CYP27C1: variants seen among roughly 807,000 people sequenced by gnomAD.
CYP27C1 encodes cytochrome P450 family 27 subfamily C member 1, also known as cytochrome P450 27C1.
CYP27C1 carries 29 observed loss-of-function variants against 40.6 expected under a neutral mutation model. The observed-to-expected ratio is 0.71, with a 90% confidence interval of 0.53 to 0.97. The LOEUF (loss-of-function observed/expected upper bound fraction) is 0.97, where lower values mean the gene tolerates loss of function less well. Ranked by LOEUF, CYP27C1 falls within the 50% of genes least tolerant of loss-of-function variation. CYP27C1 has a pLI of 0.00. For missense variants in CYP27C1, 390 were observed against 485.8 expected (o/e 0.80, Z 1.85); for synonymous variants, 198 against 186.8 (o/e 1.06, Z -0.49).
At chr2:127,205,102 G>A (rs1370239252) in intron 2 of CYP27C1, among the ~76,000 whole-genome samples, 2 of 152,230 alleles carry the variant, frequency 1.3e-5, no homozygotes, top group African/African-American at 4.8e-5. Context: ...AGGCTCCTGA[G>A]CCTGCAGCTA....
At chr2:127,202,263 T>C (rs1683052108) in intron 3 of CYP27C1, among the ~76,000 whole-genome samples, 1 of 152,138 alleles carries the variant, frequency 6.6e-6, no homozygotes, top group South Asian at 2.1e-4. Context: ...TCTCTGGGAT[T>C]ACAGGTGCCC....
rs1282950519 is a variant in CYP27C1, at chr2:127,184,507, G to T, written c.*2764C>A. ...CAGCTCACTGCAAACTGCCTCCCAG[G>T]TTCAAGCAATTCTCCTGCCTCAGCC... On this transcript the variant is annotated 3_prime_UTR_variant, in exon 9 of 9. Transcript: ENST00000664447. The T allele has an allele frequency of 1.3e-5, 2 of 151,998 alleles. No homozygotes were observed. The highest frequency in any genetic ancestry group is 1.9e-4 in the East Asian group (1 of 5,172). The allele number at this position is 151,998 out of a possible 1,614,324, so 9.4% of individuals were successfully genotyped here.
At chr2:127,189,115 T>C (rs1230468580) in intron 8 of CYP27C1, among the ~76,000 whole-genome samples, 1 of 151,924 alleles carries the variant, frequency 6.6e-6, no homozygotes, top group African/African-American at 2.4e-5. Context: ...TTCTGAGTGG[T>C]TTGTTTGTTG....
intron 3 of CYP27C1, among the ~76,000 whole-genome samples, chr2:127,202,124 C>A (rs1683048026): frequency 6.7e-6 from 1 of 149,038 alleles, no homozygotes. Flanking sequence ...GTTAGACCAA[C>A]ATGCTTTTTT....
At chr2:127,217,849 A>G (rs1683463392) in intron 1 of CYP27C1, among the ~76,000 whole-genome samples, 1 of 152,206 alleles carries the variant, frequency 6.6e-6, no homozygotes. Context: ...AGCAACCTGG[A>G]GAGCGGGAAG....
At chr2:127,211,812 G>C (rs1263319533) in intron 1 of CYP27C1, among the ~76,000 whole-genome samples, 4 of 152,020 alleles carry the variant, frequency 2.6e-5, no homozygotes, top group African/African-American at 9.7e-5. Flanking sequence ...TAATCCAAAA[G>C]CTAGCAGAAG....
At chr2:127,204,434 G>GAGAA (rs1683123570) in intron 2 of CYP27C1, among the ~76,000 whole-genome samples, 2 of 68,154 alleles carry the variant, frequency 2.9e-5, no homozygotes, top group Admixed American at 1.8e-4. Flanking sequence ...AGAAAGGAAA[G>GAGAA]AAAGAAAAAG....
rs1415416720 is a variant in CYP27C1, at chr2:127,185,352, T to C, written c.*1919A>G. 6.6e-6 allele frequency: 1 copy of C among 152,268 alleles called. No homozygotes were observed. Among genetic ancestry groups the C allele is most frequent in the Non-Finnish European group, 1.5e-5 (1 of 68,102 alleles). 9.4% of individuals were successfully genotyped at this position (152,268 alleles called of 1,614,324 possible). A position where few individuals can be genotyped will look rare whatever the true frequency, so the allele number is the denominator to read the frequency against. On this transcript the variant is annotated 3_prime_UTR_variant, in exon 9 of 9. Transcript: ENST00000664447. The surrounding 1 kb of genome is among the most constrained non-coding windows in gnomAD (Gnocchi z 4.9). ...CTACCCCCAGCCCGCACTTTGCTAT[T>C]CACCCTGTGCTGATCCCCAGGCAGA...
chr2:127,191,990 C>A (rs914553853), intron 8 of CYP27C1, among the ~76,000 whole-genome samples: 1 of 152,222 alleles, frequency 6.6e-6, no homozygotes, highest in Non-Finnish European at 1.5e-5. Context: ...CCCTTACCTT[C>A]TCCAGCTCTG....
At chr2:127,191,952 G>C (rs1056218788) in intron 8 of CYP27C1, among the ~76,000 whole-genome samples, 8 of 152,158 alleles carry the variant, frequency 5.3e-5, no homozygotes, top group African/African-American at 1.9e-4. Context: ...CCCACACCTC[G>C]TTCTGTGCCT....
At chr2:127,217,959 A>C (rs1293614696) in intron 1 of CYP27C1, among the ~76,000 whole-genome samples, 1 of 152,198 alleles carries the variant, frequency 6.6e-6, no homozygotes. Context: ...GGGTTGGGGT[A>C]GTGCCACCTG....
At chr2:127,205,866 C>A in intron 2 of CYP27C1, 34 bp downstream of exon 2, 1 of 574,256 alleles carries the variant, frequency 1.7e-6, no homozygotes, top group Non-Finnish European at 2.2e-6. Flanking sequence ...GCTCCCCCTC[C>A]AGCCCGTGGC....
chr2:127,195,022 G>C lies in CYP27C1; in HGVS notation c.1214+313C>G, dbSNP rs1682871748. Among the ~76,000 whole-genome samples, 1 of 152,020 alleles carries C rather than the reference G, an allele frequency of 6.6e-6. No homozygotes were observed. The highest frequency in any genetic ancestry group is 1.5e-5 in the Non-Finnish European group (1 of 67,982). On this transcript the variant is annotated intron_variant, in intron 6 of 8. Coordinates refer to ENST00000664447, the MANE Select transcript of CYP27C1 (RefSeq NM_001367502.1). The surrounding 1 kb of genome is among the most constrained non-coding windows in gnomAD (Gnocchi z 6.2). ...TTTTTGTATTTTTAGTAGAGACGCA[G>C]TTTCACCATGTTGGCCAGGCTGCTC...
intron 1 of CYP27C1, among the ~76,000 whole-genome samples, chr2:127,217,584 A>T (rs943064956): frequency 1.3e-5 from 2 of 152,202 alleles, no homozygotes; most frequent in African/African-American, 2.4e-5. Flanking sequence ...ATTGGAGGAC[A>T]TGACTCCTGT....
intron 1 of CYP27C1, among the ~76,000 whole-genome samples, chr2:127,215,105 G>A (rs1683406220): frequency 7.0e-6 from 1 of 143,038 alleles, no homozygotes; most frequent in Admixed American, 7.3e-5. Context: ...CTCATGCCTG[G>A]GCGACAGAGT....
Position 127,199,438 on chromosome 2 carries a change from C to T in CYP27C1, c.985G>A (p.Ala329Thr), listed in dbSNP as rs1362581738. Residue 329 changes from alanine (A) to threonine (T), a missense_variant, in exon 5 of 9, where the codon GCT (alanine) becomes ACT (threonine). Transcript: ENST00000664447. ...GCGTAGATCTCCTGCAGCGTCAGAG[C>T]CTGGCTAAGGAAGAGGTATGTGAGA... ...GLLTYLFLSQ[A>T]LTLQEIYANV... 1 of 1,614,100 alleles carries T rather than the reference C, an allele frequency of 6.2e-7. No homozygotes were observed. Among genetic ancestry groups the T allele is most frequent in the Non-Finnish European group, 8.5e-7 (1 of 1,180,040 alleles).
chr2:127,214,052 T>C (rs1683382442), intron 1 of CYP27C1, among the ~76,000 whole-genome samples: 1 of 151,728 alleles, frequency 6.6e-6, no homozygotes, highest in African/African-American at 2.4e-5. Flanking sequence ...ACAACAAACA[T>C]GAAAAAAAGC....
intron 2 of CYP27C1, among the ~76,000 whole-genome samples, chr2:127,204,537 G>GA (rs1465217266): frequency 1.2e-3 from 39 of 31,764 alleles, no homozygotes; most frequent in African/African-American, 3.7e-3. Flanking sequence ...AAGAAAGAAA[G>GA]AGAGAGAGAG....
rs572586400 is a variant in CYP27C1 at position 127,201,866 on chromosome 2, G to T, written c.674-535C>A. ...CTCCTGGCCAAAACGCAGAGCCCAG[G>T]CCTGGAGAGCTAAAGGCGCAGCAGA... On this transcript the variant is annotated intron_variant, in intron 3 of 8. Coordinates refer to ENST00000664447, the MANE Select transcript of CYP27C1 (RefSeq NM_001367502.1). This position sits in a 1 kb window ranked among gnomAD's most constrained non-coding sequence, Gnocchi z 6.0. Among the ~76,000 whole-genome samples, 1 of 152,278 alleles carries T rather than the reference G, an allele frequency of 6.6e-6. No homozygotes were observed. The highest frequency in any genetic ancestry group is 2.1e-4 in the South Asian group (1 of 4,830).
Sources: allele counts gnomAD v4.1 joint callset (sites outside exome capture counted in the v4.1 genomes callset), GRCh38; gene constraint gnomAD v4.1.1; non-coding constraint Gnocchi (gnomAD v3.1); transcripts MANE v1.5; gene names NCBI Gene and HGNC (gene_info 2026-07-23, HGNC 2026-07-21).